Variants in NAGLU observed in about 807,000 individuals in gnomAD.
NAGLU encodes the protein N-acetyl-alpha-glucosaminidase, also known as alpha-N-acetylglucosaminidase.
NAGLU carries 34 observed loss-of-function variants against 43.4 expected under a neutral mutation model. The observed-to-expected ratio is 0.78, with a 90% CI of 0.60 to 1.04. The LOEUF (loss-of-function observed/expected upper bound fraction) is 1.04. Ranked by LOEUF, NAGLU falls within the 50% of genes least tolerant of loss-of-function variation. The pLI is 0.00. For missense variants in NAGLU, 910 were observed against 993.7 expected (o/e 0.92, Z 1.13); for synonymous variants, 425 against 437.6 (o/e 0.97, Z 0.36).
rs759306355 is a variant in NAGLU at position 42,543,244 on chromosome 17, A to G, written c.1238A>G (p.Asn413Ser). The G allele has an allele frequency of 1.2e-6, 2 of 1,614,050 alleles. No homozygotes were observed. Among genetic ancestry groups the G allele is most frequent in the African/African-American group, 1.3e-5 (1 of 74,942 alleles). ...IWCMLHNFGG[N>S]HGLFGALEAV... ...TGCATGCTGCACAACTTTGGGGGAA[A>G]CCATGGTCTTTTTGGAGCCCTAGAG... The change falls in exon 6 of 6, where the codon AAC (asparagine) becomes AGC (serine). Residue 413 changes from asparagine to serine, a missense_variant. Coordinates refer to ENST00000225927, the MANE Select transcript of NAGLU (RefSeq NM_000263.4).
intron 4 of NAGLU, among the ~76,000 whole-genome samples, chr17:42,539,211 T>C (rs2092915443): frequency 6.6e-6 from 1 of 152,346 alleles, no homozygotes; most frequent in Middle Eastern, 3.4e-3. Flanking sequence ...ATGACATGAC[T>C]GCTCTGTGCC....
rs1208771812 is a variant in NAGLU, at chr17:42,536,470, C to T, written c.198C>T (p.Ser66=). 33 of 1,223,278 alleles carry T rather than the reference C, an allele frequency of 2.7e-5. No homozygotes were observed. The highest frequency in any genetic ancestry group is 3.4e-5 in the Non-Finnish European group (33 of 981,636). The allele number at this position is 1,223,278 out of a possible 1,614,324, so 75.8% of individuals were successfully genotyped here. ...LAAKPGLDTY[S]LGGGGAARVR... is the part of the protein sequence containing the mutation. ...CCAAGCCGGGCTTGGACACCTACAG[C>T]CTGGGCGGCGGCGGCGCGGCGCGCG... The change falls in exon 1 of 6, where the codon AGC becomes AGT. Residue 66 remains serine (S), a synonymous_variant. Transcript: ENST00000225927.
intron 1 of NAGLU, 72 bp from the exon 2 acceptor site, chr17:42,537,326 G>T (rs761554270): frequency 6.2e-6 from 10 of 1,608,594 alleles, no homozygotes; most frequent in Non-Finnish European, 8.5e-6. Flanking sequence ...CTAGGTGGGG[G>T]ATGGGGGATT....
At chr17:42,537,263 G>A in intron 1 of NAGLU, 135 bp from the exon 2 acceptor site, 1 of 1,341,786 alleles carries the variant, frequency 7.5e-7, no homozygotes, top group South Asian at 1.2e-5. Flanking sequence ...TCCACCTGGG[G>A]TGGGTCCCAG....
At chr17:42,538,639 A>G (rs1190628375) in intron 3 of NAGLU, 31 bp from the exon 4 acceptor site, 8 of 1,613,686 alleles carry the variant, frequency 5.0e-6, no homozygotes, top group Non-Finnish European at 6.8e-6. Context: ...AGCAGTGGCC[A>G]TGCTCACCAC....
chr17:42,536,853 C>T (rs1263009274), intron 1 of NAGLU, 198 bp downstream of exon 1: 3 of 1,077,656 alleles, frequency 2.8e-6, no homozygotes, highest in Admixed American at 3.8e-5. Context: ...GGAAAGAAGA[C>T]GCCTACCGTG....
chr17:42,536,760 C>T (rs2092907543), intron 1 of NAGLU, 105 bp downstream of exon 1: 1 of 1,338,832 alleles, frequency 7.5e-7, no homozygotes, highest in Non-Finnish European at 9.6e-7. Flanking sequence ...GCCGGAAGGC[C>T]CAGCTGCGCC....
In NAGLU at chr17:42,543,050, G is replaced by A; in HGVS notation, c.1044G>A (p.Leu348=). 1.2e-6 allele frequency: 2 copies of A among 1,605,042 alleles called. No homozygotes were observed. Among genetic ancestry groups the A allele is most frequent in the South Asian group, 2.2e-5 (2 of 91,056 alleles). Residue 348 remains leucine (L), a synonymous_variant, in exon 6 of 6, where the codon CTG becomes CTA. Coordinates refer to ENST00000225927, the MANE Select transcript of NAGLU (RefSeq NM_000263.4). ...CAGTGGATACTGAGGCTGTGTGGCT[G>A]CTCCAAGGCTGGCTCTTCCAGCACC... The part of the protein sequence containing the change: ...MTAVDTEAVW[L]LQGWLFQHQP...
intron 5 of NAGLU, 66 bp downstream of exon 5, chr17:42,541,272 A>G: frequency 6.3e-7 from 1 of 1,596,902 alleles, no homozygotes; most frequent in South Asian, 1.1e-5. Context: ...AGCAGATGTC[A>G]GTAGGGGTAG....
In NAGLU at chr17:42,543,883, G is replaced by T. The variant is rs376545731; in HGVS notation, c.1877G>T (p.Arg626Leu). 6.2e-7 allele frequency: 1 copy of T among 1,604,694 alleles called. No individual in the cohort carries two copies. Among genetic ancestry groups the T allele is most frequent in the Non-Finnish European group, 8.5e-7 (1 of 1,175,984 alleles). Residue 626 changes from arginine (R) to leucine (L), a missense_variant, in exon 6 of 6, where the codon CGA becomes CTA. Coordinates refer to ENST00000225927, the MANE Select transcript of NAGLU (RefSeq NM_000263.4). ...FLLGSWLEQA[R>L]AAAVSEAEAD... ...CTGGGCAGCTGGCTAGAGCAGGCCC[G>T]AGCAGCGGCAGTCAGTGAGGCCGAG...
chr17:42,536,609 C>A lies in NAGLU; in HGVS notation c.337C>A (p.Pro113Thr). The change falls in exon 1 of 6, where the codon CCA becomes ACA. Residue 113 changes from proline to threonine, a missense_variant. By Grantham distance (38) the Pro-to-Thr change is conservative (BLOSUM62 -1). Coordinates refer to ENST00000225927, the MANE Select transcript of NAGLU (RefSeq NM_000263.4). ...CGGCTCTCAGCTGCGCCTGCCGCGG[C>A]CACTGCCAGCCGTGCCGGGGGAGCT... ...WSGSQLRLPRPLPAVPGELTE... is the reference protein window; with the variant it reads ...WSGSQLRLPRTLPAVPGELTE... The A allele has an allele frequency of 6.7e-7, 1 of 1,491,268 alleles. No individual in the cohort carries two copies. Among genetic ancestry groups the A allele is most frequent in the African/African-American group, 1.5e-5 (1 of 68,562 alleles). The allele number at this position is 1,491,268 out of a possible 1,614,324, so 92.4% of individuals were successfully genotyped here.
intron 4 of NAGLU, among the ~76,000 whole-genome samples, chr17:42,540,327 A>C (rs1288750379): frequency 6.6e-6 from 1 of 151,508 alleles, no homozygotes; most frequent in African/African-American, 2.4e-5. Context: ...GGGTGCAGCA[A>C]ACCACCATGG....
Position 42,543,122 on chromosome 17 carries a change from T to A in NAGLU, c.1116T>A (p.Ala372=), listed in dbSNP as rs1184145784. 11 of 1,613,550 alleles carry A rather than the reference T, an allele frequency of 6.8e-6. No individual in the cohort carries two copies. Among genetic ancestry groups the A allele is most frequent in the Non-Finnish European group, 9.3e-6 (11 of 1,180,036 alleles). Residue 372 remains alanine, a synonymous_variant, in exon 6 of 6, where the codon GCT becomes GCA. Coordinates refer to ENST00000225927, the MANE Select transcript of NAGLU (RefSeq NM_000263.4). ...CCCAGATCAGGGCTGTGCTGGGAGC[T>A]GTGCCCCGTGGCCGCCTCCTGGTTC... ...GPAQIRAVLG[A]VPRGRLLVLD...
At chr17:42,538,218 C>T (rs1040713404) in intron 2 of NAGLU, 121 bp from the exon 3 acceptor site, 17 of 1,489,244 alleles carry the variant, frequency 1.1e-5, no homozygotes, top group Admixed American at 3.3e-5. Flanking sequence ...TGGCAGCGTT[C>T]GGATTTTGTC....
chr17:42,542,165 C>T lies in NAGLU; in HGVS notation c.1022-863C>T, dbSNP rs560481182. Among the ~76,000 whole-genome samples, 3 of 151,862 alleles carry T rather than the reference C, an allele frequency of 2.0e-5. No homozygotes were observed. The South Asian group carries it at 6.2e-4, about 32-fold the overall frequency. ...GCAACCTCTGCTTCCTGAGTTCAAG[C>T]GATTCTCCTGCCTCAGCCTCCTGAG... On this transcript the variant is annotated intron_variant, in intron 5 of 5. Coordinates refer to ENST00000225927, the MANE Select transcript of NAGLU (RefSeq NM_000263.4).
chr17:42,542,334 G>A (rs185302208), intron 5 of NAGLU, among the ~76,000 whole-genome samples: 166 of 152,228 alleles, frequency 1.1e-3, no homozygotes, highest in African/African-American at 3.7e-3. Context: ...AAAGTGCTGG[G>A]ATTACAGGTG....
Position 42,543,887 on chromosome 17 carries a change from A to G in NAGLU, c.1881A>G (p.Ala627=), listed in dbSNP as rs2143114281. 6.2e-7 allele frequency: 1 copy of G among 1,605,100 alleles called. No individual in the cohort carries two copies. Reference sequence around the variant, plus strand: ...GCAGCTGGCTAGAGCAGGCCCGAGCAGCGGCAGTCAGTGAGGCCGAGGCCG... The same window carrying G: ...GCAGCTGGCTAGAGCAGGCCCGAGCGGCGGCAGTCAGTGAGGCCGAGGCCG... The part of the protein sequence containing the change: ...LLGSWLEQAR[A]AAVSEAEADF... Residue 627 remains alanine (A), a synonymous_variant, in exon 6 of 6, where the codon GCA becomes GCG. Transcript: ENST00000225927.
chr17:42,537,236 C>T (rs2143080629), intron 1 of NAGLU, 162 bp from the exon 2 acceptor site: 3 of 1,049,858 alleles, frequency 2.9e-6, no homozygotes, highest in East Asian at 2.6e-5. Flanking sequence ...AGCCCAGCCC[C>T]GGTACCTGGT....
In NAGLU at chr17:42,536,328, G is replaced by C; in HGVS notation, c.56G>C (p.Gly19Ala). Residue 19 changes from glycine (G) to alanine (A), a missense_variant, in exon 1 of 6, where the codon GGG (glycine) becomes GCG (alanine). Coordinates refer to ENST00000225927, the MANE Select transcript of NAGLU (RefSeq NM_000263.4). The stretch of plus-strand genomic sequence containing the variant: ...GGGGTCCTTCTCCTGGCCGGGGCCG[G>C]GGGCGCGGCAGGCGACGAGGCCCGG... Reference protein sequence around the residue: ...AVGVLLLAGAGGAAGDEAREA... With the variant: ...AVGVLLLAGAAGAAGDEAREA... The C allele has an allele frequency of 8.2e-7, 1 of 1,216,334 alleles. No homozygotes were observed. The highest frequency in any genetic ancestry group is 1.0e-6 in the Non-Finnish European group (1 of 978,574). The allele number at this position is 1,216,334 out of a possible 1,614,324, so 75.3% of individuals were successfully genotyped here. A position where few individuals can be genotyped will look rare whatever the true frequency, so the allele number is the denominator to read the frequency against.
Sources: gnomAD v4.1 joint callset for allele counts (sites outside exome capture counted in the v4.1 genomes callset) on GRCh38, gnomAD v4.1.1 for gene constraint, MANE v1.5 for transcripts, NCBI Gene and HGNC (gene_info 2026-07-23, HGNC 2026-07-21) for gene names.